Variants in PTGFRN observed in about 807,000 individuals in gnomAD.
The protein encoded by PTGFRN is prostaglandin F2 receptor inhibitor, also known as prostaglandin F2 receptor negative regulator.
PTGFRN carries 35 observed loss-of-function variants against 83.2 expected under a neutral mutation model. The observed-to-expected ratio is 0.42, with a 90% CI of 0.32 to 0.56. PTGFRN has a LOEUF of 0.56. Ranked by LOEUF, PTGFRN falls within the 20% of genes least tolerant of loss-of-function variation. PTGFRN has a pLI of 0.11. For missense variants in PTGFRN, 1,051 were observed against 1,179.5 expected (o/e 0.89, Z 1.60); for synonymous variants, 519 against 498.6 (o/e 1.04, Z -0.55).
rs1238631106 is a variant in PTGFRN, at chr1:116,961,037, G to A, written c.1214-206G>A. Reference sequence around the variant, plus strand: ...CTTGGGAGGTTTTCTTGGGGTGGGAGGTATGAGAAGCGGTGTTTTACAAGT... The same window carrying A: ...CTTGGGAGGTTTTCTTGGGGTGGGAAGTATGAGAAGCGGTGTTTTACAAGT... On this transcript the variant is annotated intron_variant, in intron 4 of 8. Coordinates refer to ENST00000393203, the MANE Select transcript of PTGFRN (RefSeq NM_020440.4). The surrounding 1 kb of genome is among the most constrained non-coding windows in gnomAD (Gnocchi z 5.4). Among the ~76,000 whole-genome samples the A allele has an allele frequency of 2.6e-5, 4 of 152,132 alleles. No individual in the cohort carries two copies. The highest frequency in any genetic ancestry group is 4.1e-4 in the South Asian group (2 of 4,822).
At chr1:116,980,025 A>AAAAC (rs202002680) in intron 7 of PTGFRN, among the ~76,000 whole-genome samples, 50,858 of 151,488 alleles carry the variant, frequency 0.34, 8,808 homozygotes, top group East Asian at 0.46. Context: ...TTACAAGAAA[A>AAAAC]AAACAACCCC....
intron 5 of PTGFRN, among the ~76,000 whole-genome samples, chr1:116,965,992 G>C (rs143692316): frequency 6.6e-6 from 1 of 152,146 alleles, no homozygotes; most frequent in Admixed American, 6.5e-5. Flanking sequence ...TCTGCTAATC[G>C]GTTTGGTGGA....
chr1:116,945,115 T>C, intron 3 of PTGFRN, 23 bp downstream of exon 3: 3 of 1,578,970 alleles, frequency 1.9e-6, no homozygotes, highest in Non-Finnish European at 2.6e-6. Context: ...CGATGCGTTA[T>C]AGGTGATGTT....
At chr1:116,971,149 G>A (rs2101082994) in intron 6 of PTGFRN, among the ~76,000 whole-genome samples, 1 of 152,224 alleles carries the variant, frequency 6.6e-6, no homozygotes, top group Non-Finnish European at 1.5e-5. Flanking sequence ...ATGACTTTGA[G>A]ATCAAGCTGT....
intron 1 of PTGFRN, among the ~76,000 whole-genome samples, chr1:116,940,214 C>CG (rs1405436723): frequency 6.6e-6 from 1 of 152,224 alleles, no homozygotes; most frequent in Non-Finnish European, 1.5e-5. Context: ...GGCCAGAAGT[C>CG]TAAGATCAAG....
intron 1 of PTGFRN, among the ~76,000 whole-genome samples, chr1:116,919,917 G>C (rs1368521853): frequency 6.6e-6 from 1 of 152,246 alleles, no homozygotes; most frequent in Non-Finnish European, 1.5e-5. Context: ...TTGCTGAACA[G>C]CTCTCAGCCC....
Position 116,944,957 on chromosome 1 carries a change from T to C in PTGFRN, c.697T>C (p.Ser233Pro). The change falls in exon 3 of 9, where the codon TCA becomes CCA. Residue 233 changes from serine (S) to proline (P), a missense_variant. Ser to Pro is a moderately conservative substitution (Grantham distance 74). Transcript: ENST00000393203. ...CGTGGGCAGCGACGCCTACCGCCTC[T>C]CAGTGTCCCGGGCTCTGTCTGCCGA... ...DTVGSDAYRL[S>P]VSRALSADQG... 2 of 1,613,594 alleles carry C rather than the reference T, an allele frequency of 1.2e-6. No homozygotes were observed. The highest frequency in any genetic ancestry group is 1.7e-6 in the Non-Finnish European group (2 of 1,180,014).
At chr1:116,974,738 AG>A in intron 7 of PTGFRN, among the ~76,000 whole-genome samples, 1 of 152,210 alleles carries the variant, frequency 6.6e-6, no homozygotes, top group Non-Finnish European at 1.5e-5. Context: ...GCCCAAAGTC[AG>A]GGGGCAGTTC....
intron 1 of PTGFRN, among the ~76,000 whole-genome samples, chr1:116,915,057 G>A (rs1385780852): frequency 4.6e-5 from 7 of 152,158 alleles, no homozygotes; most frequent in Non-Finnish European, 1.5e-5. Flanking sequence ...AACTTGTCTA[G>A]AGACATACAG....
chr1:116,980,642 G>T (rs887193890), intron 7 of PTGFRN, among the ~76,000 whole-genome samples: 3 of 152,188 alleles, frequency 2.0e-5, no homozygotes, highest in African/African-American at 4.8e-5. Context: ...ACTCATAGGT[G>T]GGAATTGAAC....
rs571007544 is a variant in PTGFRN at position 116,923,501 on chromosome 1, G to A, written c.49+13249G>A. On this transcript the variant is annotated intron_variant, in intron 1 of 8. Coordinates refer to ENST00000393203, the MANE Select transcript of PTGFRN (RefSeq NM_020440.4). The surrounding 1 kb of genome is among the most constrained non-coding windows in gnomAD (Gnocchi z 4.0). ...CGTTTTTTTCCTTGGCAGCTTGGGT[G>A]GAAGACAGATGACTCATGAGTTCTC... is the stretch of plus-strand genomic sequence containing the variant. Among the ~76,000 whole-genome samples the A allele has an allele frequency of 6.6e-6, 1 of 152,244 alleles. No individual in the cohort carries two copies. The highest frequency in any genetic ancestry group is 2.1e-4 in the South Asian group (1 of 4,822).
At chr1:116,978,725 AAAT>A (rs1348567442) in intron 7 of PTGFRN, among the ~76,000 whole-genome samples, 1 of 152,214 alleles carries the variant, frequency 6.6e-6, no homozygotes, top group Non-Finnish European at 1.5e-5. Flanking sequence ...ACGTATCTCA[AAAT>A]AATAAGAACT....
chr1:116,924,424 C>T (rs1011445332), intron 1 of PTGFRN, among the ~76,000 whole-genome samples: 58 of 152,150 alleles, frequency 3.8e-4, no homozygotes, highest in African/African-American at 1.3e-3. Flanking sequence ...GGATTACAGG[C>T]GTGAGCCACC....
chr1:116,932,943 T>A (rs528116812), intron 1 of PTGFRN, among the ~76,000 whole-genome samples: 124 of 152,336 alleles, frequency 8.1e-4, no homozygotes, highest in African/African-American at 2.9e-3. Flanking sequence ...GATTCTCAAT[T>A]TCCTCATATC....
In PTGFRN at chr1:116,967,068, C is replaced by T; in HGVS notation, c.1797C>T (p.Pro599=). 1.2e-6 allele frequency: 2 copies of T among 1,614,184 alleles called. No homozygotes were observed. Among genetic ancestry groups the T allele is most frequent in the South Asian group, 1.1e-5 (1 of 91,078 alleles). ...AGCCTGTCGGCGACCTCTCCAGTCC[C>T]AATGAAACGAAGTACATCATCTCTC... is the stretch of plus-strand genomic sequence containing the variant. ...AEKPVGDLSS[P]NETKYIISLD... is the part of the protein sequence containing the mutation. Residue 599 remains proline (P), a synonymous_variant, in exon 6 of 9, where the codon CCC becomes CCT. Coordinates refer to ENST00000393203, the MANE Select transcript of PTGFRN (RefSeq NM_020440.4).
intron 1 of PTGFRN, among the ~76,000 whole-genome samples, chr1:116,911,482 C>T (rs546119921): frequency 6.6e-6 from 1 of 152,336 alleles, no homozygotes; most frequent in East Asian, 1.9e-4. Flanking sequence ...ACCAGCCTTG[C>T]TGGCTGCTGT....
At chr1:116,972,472 C>T (rs955925613) in intron 6 of PTGFRN, among the ~76,000 whole-genome samples, 1 of 152,172 alleles carries the variant, frequency 6.6e-6, no homozygotes, top group Non-Finnish European at 1.5e-5. Flanking sequence ...CTGATGAATT[C>T]ATCTTATTAG....
chr1:116,910,343 C>A, intron 1 of PTGFRN, 91 bp downstream of exon 1: 1 of 1,147,546 alleles, frequency 8.7e-7, no homozygotes, highest in Non-Finnish European at 1.1e-6. Context: ...CGGCCTGGGG[C>A]GCCGAGGGTG....
rs1301904948 is a variant in PTGFRN at position 116,984,689 on chromosome 1, C to T, written c.2177C>T (p.Ala726Val). 1.2e-6 allele frequency: 2 copies of T among 1,613,584 alleles called. No homozygotes were observed. The highest frequency in any genetic ancestry group is 1.7e-6 in the Non-Finnish European group (2 of 1,179,806). ...GCTTGGTAATCCGTAGATGACATGG[C>T]CTTTGATGTGTCCTGGTTTGCGGTG... ...EGAALDPDDM[A>V]FDVSWFAVHS... Residue 726 changes from alanine (A) to valine (V), a missense_variant, in exon 8 of 9, where the codon GCC becomes GTC. By Grantham distance (64) the Ala-to-Val change is moderately conservative. Around this residue, in one of 3 missense-constraint regions of PTGFRN, gnomAD observed 719 missense variants for 836.6 expected, o/e 0.86. Transcript: ENST00000393203.
Sources: allele counts gnomAD v4.1 joint callset (sites outside exome capture counted in the v4.1 genomes callset), GRCh38; gene constraint gnomAD v4.1.1; regional missense constraint gnomAD v4.1.1; non-coding constraint Gnocchi (gnomAD v3.1); transcripts MANE v1.5; gene names NCBI Gene and HGNC (gene_info 2026-07-23, HGNC 2026-07-21).